Variants in CCDC196 observed in about 807,000 individuals in gnomAD.
CCDC196 encodes the protein coiled-coil domain containing 196, also known as coiled-coil domain-containing protein 196.
At chr14:66,491,944 T>C in intron 7 of CCDC196, 109 bp from the exon 8 acceptor site, 1 of 407,328 alleles carries the variant, frequency 2.5e-6, no homozygotes, top group Non-Finnish European at 4.4e-6. Context: ...TTTTAAAGAC[T>C]GAGCATGATG....
intron 8 of CCDC196, among the ~76,000 whole-genome samples, chr14:66,497,047 CA>C (rs1566718587): frequency 6.6e-6 from 1 of 152,126 alleles, no homozygotes; most frequent in Non-Finnish European, 1.5e-5. Flanking sequence ...TACACTTCAG[CA>C]GGTGCTGCTG....
chr14:66,497,365 T>C (rs141107248), intron 8 of CCDC196, among the ~76,000 whole-genome samples: 1,826 of 147,730 alleles, frequency 0.012, 19 homozygotes, highest in Non-Finnish European at 0.019. Flanking sequence ...TGTACCCTTA[T>C]TAATATTATT....
chr14:66,489,137 C>T lies in CCDC196; in HGVS notation c.351+100C>T, dbSNP rs551093235. On this transcript the variant is annotated intron_variant, in intron 4 of 9. Coordinates refer to ENST00000636229, the MANE Select transcript of CCDC196 (RefSeq NM_001351576.1). ...CCATCCTCATTGTTTCATGTCCTTGCTTCCACCCATGCCTCATTCCAATCC... is the reference window on the plus strand; with the variant it reads ...CCATCCTCATTGTTTCATGTCCTTGTTTCCACCCATGCCTCATTCCAATCC... 28 of 411,174 alleles carry T rather than the reference C, an allele frequency of 6.8e-5. No individual in the cohort carries two copies. The South Asian group carries it at 3.6e-3, about 52-fold the overall frequency. 25.5% of individuals were successfully genotyped at this position (411,174 alleles called of 1,614,324 possible).
chr14:66,498,430 C>CT lies in CCDC196; in HGVS notation c.858dup (p.Leu287SerfsTer7). On this transcript the variant is annotated frameshift_variant, in exon 10 of 10. Transcript: ENST00000636229. LOFTEE classifies it high-confidence loss of function. ...AGCTTGATAATACAGGAGGGAGACT[C>CT]TTTTTTCTGAGGTCATTGCCAGATG... 2 of 413,480 alleles carry CT rather than the reference C, an allele frequency of 4.8e-6. No homozygotes were observed. The highest frequency in any genetic ancestry group is 3.6e-5 in the East Asian group (1 of 28,064). The allele number at this position is 413,480 out of a possible 1,614,324, so 25.6% of individuals were successfully genotyped here.
At chr14:66,490,888 C>A in intron 5 of CCDC196, 69 bp downstream of exon 5, 1 of 408,360 alleles carries the variant, frequency 2.4e-6, no homozygotes, top group Non-Finnish European at 4.4e-6. Flanking sequence ...AGCCTGCTGA[C>A]AATCAGGGCT....
intron 8 of CCDC196, among the ~76,000 whole-genome samples, chr14:66,497,820 T>C (rs2297620): frequency 0.33 from 49,682 of 151,958 alleles, 12,035 homozygotes; most frequent in African/African-American, 0.66. Context: ...ATCTGGTTTA[T>C]CTGAGGGTAT....
chr14:66,487,910 T>G (rs2057446971), intron 2 of CCDC196, among the ~76,000 whole-genome samples: 1 of 152,188 alleles, frequency 6.6e-6, no homozygotes, highest in African/African-American at 2.4e-5. Context: ...TCTCCCTGGC[T>G]GTTGGAGACC....
intron 8 of CCDC196, among the ~76,000 whole-genome samples, chr14:66,494,467 GTGT>G: frequency 6.6e-6 from 1 of 152,076 alleles, no homozygotes; most frequent in East Asian, 1.9e-4. Flanking sequence ...TTAATGGTAG[GTGT>G]TGTAGTATTT....
Position 66,498,133 on chromosome 14 carries a change from A to G in CCDC196, c.740A>G (p.Asp247Gly). Residue 247 changes from aspartate (D) to glycine (G), a missense_variant, in exon 9 of 10, where the codon GAC (aspartate) becomes GGC (glycine). Asp to Gly is a moderately conservative substitution (Grantham distance 94). Transcript: ENST00000636229. ...SQGTMGITTM[D>G]RVTTGRNEHH... ...GGTACTATGGGCATTACAACTATGG[A>G]CAGAGTGACTACTGGCAGAAATGAA... 2.4e-6 allele frequency: 1 copy of G among 412,582 alleles called. No individual in the cohort carries two copies. Among genetic ancestry groups the G allele is most frequent in the Non-Finnish European group, 4.4e-6 (1 of 225,614 alleles). 25.6% of individuals were successfully genotyped at this position (412,582 alleles called of 1,614,324 possible). A position where few individuals can be genotyped will look rare whatever the true frequency, so the allele number is the denominator to read the frequency against.
chr14:66,494,325 A>AT (rs1227903673), intron 8 of CCDC196, among the ~76,000 whole-genome samples: 1 of 152,168 alleles, frequency 6.6e-6, no homozygotes, highest in Non-Finnish European at 1.5e-5. Context: ...GGAGTCCTAT[A>AT]TTTTGGTTAT....
intron 3 of CCDC196, among the ~76,000 whole-genome samples, 198 bp from the exon 4 acceptor site, chr14:66,488,789 G>T (rs191524316): frequency 1.3e-3 from 196 of 148,632 alleles, no homozygotes; most frequent in African/African-American, 4.5e-3. Context: ...CAATAACTTG[G>T]TTTTTTTTTT....
intron 4 of CCDC196, among the ~76,000 whole-genome samples, 172 bp downstream of exon 4, chr14:66,489,209 A>T (rs1195686788): frequency 1.3e-5 from 2 of 152,186 alleles, no homozygotes; most frequent in East Asian, 3.8e-4. Context: ...CAATCAAAGC[A>T]TGTTACTCTT....
At chr14:66,491,504 A>G (rs2057534757) in intron 6 of CCDC196, 122 bp from the exon 7 acceptor site, 1 of 411,166 alleles carries the variant, frequency 2.4e-6, no homozygotes, top group Non-Finnish European at 4.4e-6. Context: ...TGTGCAGTTA[A>G]AGTCAATTTA....
At chr14:66,493,384 T>C (rs1219249187) in intron 8 of CCDC196, among the ~76,000 whole-genome samples, 1 of 152,198 alleles carries the variant, frequency 6.6e-6, no homozygotes, top group Non-Finnish European at 1.5e-5. Flanking sequence ...ACTCATGAAG[T>C]AACAACAAAC....
At chr14:66,494,323 A>G (rs779449996) in intron 8 of CCDC196, among the ~76,000 whole-genome samples, 1 of 152,210 alleles carries the variant, frequency 6.6e-6, no homozygotes, top group Admixed American at 6.5e-5. Flanking sequence ...ATGGAGTCCT[A>G]TATTTTGGTT....
At chr14:66,494,526 T>C (rs995687981) in intron 8 of CCDC196, 7 of 152,244 alleles carry the variant, frequency 4.6e-5, no homozygotes, top group African/African-American at 1.7e-4. Flanking sequence ...CAATATTTGT[T>C]GTTTACATTG....
At chr14:66,494,249 C>T (rs1428233640) in intron 8 of CCDC196, among the ~76,000 whole-genome samples, 1 of 152,178 alleles carries the variant, frequency 6.6e-6, no homozygotes, top group African/African-American at 2.4e-5. Flanking sequence ...GGGCCAGTTT[C>T]ATTTTCTAAC....
chr14:66,489,540 T>C (rs1252215409), intron 4 of CCDC196, among the ~76,000 whole-genome samples: 1 of 152,304 alleles, frequency 6.6e-6, no homozygotes, highest in East Asian at 1.9e-4. Flanking sequence ...TATATAACTC[T>C]GCTTATGTGC....
chr14:66,493,721 C>A (rs2057596523), intron 8 of CCDC196: 1 of 152,138 alleles, frequency 6.6e-6, no homozygotes, highest in African/African-American at 2.4e-5. Context: ...AACTGACTAT[C>A]CTTCAGGCAG....
Sources: allele counts gnomAD v4.1 joint callset (sites outside exome capture counted in the v4.1 genomes callset), GRCh38; gene constraint gnomAD v4.1.1; transcripts MANE v1.5; gene names NCBI Gene and HGNC (gene_info 2026-07-23, HGNC 2026-07-21).